PLCB1: variants seen among roughly 807,000 people sequenced by gnomAD.
The protein encoded by PLCB1 is phospholipase C beta 1, also known as 1-phosphatidylinositol 4,5-bisphosphate phosphodiesterase beta-1.
PLCB1 carries 46 observed loss-of-function variants against 161.8 expected under a neutral mutation model. That is an observed-to-expected ratio of 0.28 (90% CI 0.22 to 0.36). The LOEUF (loss-of-function observed/expected upper bound fraction) is 0.36, where lower values mean the gene tolerates loss of function less well. PLCB1 is among the 10% of genes least tolerant of loss of function. The pLI is 1.00. For missense variants in PLCB1, 1,016 were observed against 1,472.5 expected, an observed-to-expected ratio of 0.69 and a Z score of 5.07; for synonymous variants, 517 against 503.7, an observed-to-expected ratio of 1.03 and a Z score of -0.35.
At chr20:8,523,496 C>CTCTCTCTCTCTCTCTA in intron 3 of PLCB1, among the ~76,000 whole-genome samples, 35 of 51,652 alleles carry the variant, frequency 6.8e-4, no homozygotes, top group South Asian at 2.6e-3. Context: ...CTCTCTCTCT[C>CTCTCTCTCTCTCTCTA]TATATATATA....
At chr20:8,515,733 A>AC in intron 3 of PLCB1, among the ~76,000 whole-genome samples, 1 of 152,150 alleles carries the variant, frequency 6.6e-6, no homozygotes, top group East Asian at 1.9e-4. Context: ...CATAACAAAC[A>AC]CCCCAAAGCA....
chr20:8,719,466 C>T (rs1425777985), intron 14 of PLCB1, among the ~76,000 whole-genome samples: 1 of 152,090 alleles, frequency 6.6e-6, no homozygotes, highest in East Asian at 1.9e-4. Flanking sequence ...AATATGCAGC[C>T]ATGAGAATAA....
chr20:8,833,264 G>A (rs1293501525), intron 31 of PLCB1, among the ~76,000 whole-genome samples: 2 of 152,216 alleles, frequency 1.3e-5, no homozygotes, highest in Admixed American at 6.5e-5. Flanking sequence ...GGAAGGCAAA[G>A]GAAGAGCAAA....
rs149864976 is a variant in PLCB1 at position 8,559,659 on chromosome 20, T to C, written c.247-68635T>C. Among the ~76,000 whole-genome samples, 187 of 152,096 alleles carry C rather than the reference T, an allele frequency of 1.2e-3. 6 individuals carry two copies. The East Asian group carries it at 0.035, about 28-fold the overall frequency. On this transcript the variant is annotated intron_variant, in intron 3 of 31. Transcript: ENST00000338037. ...TTCAAATTCTAAAAGAGAACTAGAA[T>C]AGCTATACTAATATCAGTCAAAATA...
At chr20:8,844,862 A>G (rs6140760) in intron 31 of PLCB1, among the ~76,000 whole-genome samples, 50,008 of 151,920 alleles carry the variant, frequency 0.33, 9,047 homozygotes, top group East Asian at 0.63. Context: ...TGTAATCCCA[A>G]CACTTTGGGA....
intron 2 of PLCB1, among the ~76,000 whole-genome samples, chr20:8,267,055 A>G (rs1981999472): frequency 6.6e-6 from 1 of 151,918 alleles, no homozygotes; most frequent in Admixed American, 6.6e-5. Context: ...AAAAAGGGAA[A>G]AAAAAAGAAT....
intron 3 of PLCB1, among the ~76,000 whole-genome samples, chr20:8,465,706 A>G (rs1444501328): frequency 6.6e-6 from 1 of 152,072 alleles, no homozygotes; most frequent in Non-Finnish European, 1.5e-5. Context: ...TTATGCAGCC[A>G]AAAAACACAT....
chr20:8,264,909 A>G (rs1012910920), intron 2 of PLCB1, among the ~76,000 whole-genome samples: 59 of 152,340 alleles, frequency 3.9e-4, no homozygotes, highest in African/African-American at 1.1e-3. Context: ...AAATGTAGCA[A>G]TCCATGTAAT....
chr20:8,411,548 T>C (rs1352726072), intron 3 of PLCB1, among the ~76,000 whole-genome samples: 1 of 151,846 alleles, frequency 6.6e-6, no homozygotes, highest in Non-Finnish European at 1.5e-5. Flanking sequence ...AATGAAAGAG[T>C]AGACTTTTAT....
At chr20:8,284,978 T>C (rs569264276) in intron 2 of PLCB1, among the ~76,000 whole-genome samples, 1 of 152,162 alleles carries the variant, frequency 6.6e-6, no homozygotes, top group African/African-American at 2.4e-5. Context: ...GACATTTATG[T>C]GCTCGTTTTC....
Position 8,580,391 on chromosome 20 carries a change from A to G in PLCB1, c.247-47903A>G, listed in dbSNP as rs1446494726. 2.0e-5 allele frequency among the ~76,000 whole-genome samples: 3 copies of G among 152,332 alleles called. No homozygotes were observed. In the South Asian group the frequency reaches 6.2e-4, roughly 32 times the overall value. ...TGATACAATGACCACAAAAATCTCA[A>G]AATATTTTTAAAGGAATCCTCAGTC... On this transcript the variant is annotated intron_variant, in intron 3 of 31. Transcript: ENST00000338037.
At chr20:8,225,281 T>G (rs1375934137) in intron 2 of PLCB1, among the ~76,000 whole-genome samples, 4 of 152,218 alleles carry the variant, frequency 2.6e-5, no homozygotes, top group African/African-American at 9.6e-5. Context: ...TTTTGTTTCT[T>G]CTGTTTTGTT....
rs1250695700 is a variant in PLCB1, at chr20:8,881,994, A to C, written c.*145A>C. 1 of 621,386 alleles carries C rather than the reference A, an allele frequency of 1.6e-6. No homozygotes were observed. The highest frequency in any genetic ancestry group is 2.8e-6 in the Non-Finnish European group (1 of 354,160). The allele number at this position is 621,386 out of a possible 1,614,324, so 38.5% of individuals were successfully genotyped here. A position where few individuals can be genotyped will look rare whatever the true frequency, so the allele number is the denominator to read the frequency against. ...ACACCAAAGGGAGAGTTCCAGAGGA[A>C]TCCATGAAGAATTCCCATGCCCAGG... On this transcript the variant is annotated 3_prime_UTR_variant, in exon 32 of 32. Coordinates refer to ENST00000338037, the MANE Select transcript of PLCB1 (RefSeq NM_015192.4).
chr20:8,566,156 C>T (rs1986327315), intron 3 of PLCB1, among the ~76,000 whole-genome samples: 1 of 152,122 alleles, frequency 6.6e-6, no homozygotes, highest in Non-Finnish European at 1.5e-5. Context: ...TGCAATTTTA[C>T]AAAGTATATT....
intron 1 of PLCB1, among the ~76,000 whole-genome samples, chr20:8,136,492 G>A (rs912869291): frequency 7.8e-4 from 119 of 152,174 alleles, no homozygotes; most frequent in African/African-American, 2.4e-3. Context: ...CGGGCGTGGT[G>A]GCGGGCGCCT....
Position 8,235,895 on chromosome 20 carries a change from G to A in PLCB1, c.177+85524G>A, listed in dbSNP as rs373435915. On this transcript the variant is annotated intron_variant, in intron 2 of 31. Transcript: ENST00000338037. ...CTATATTTAAAAAAAATCTTAAGGC[G>A]TGTATAGGATTCTTGTATTAAATTG... is the stretch of plus-strand genomic sequence containing the variant. Among the ~76,000 whole-genome samples, 102 of 152,130 alleles carry A rather than the reference G, an allele frequency of 6.7e-4. 2 individuals are homozygous for A. The South Asian group carries it at 8.9e-3, about 13-fold the overall frequency.
At chr20:8,562,607 C>T (rs1986177275) in intron 3 of PLCB1, among the ~76,000 whole-genome samples, 1 of 152,066 alleles carries the variant, frequency 6.6e-6, no homozygotes, top group Non-Finnish European at 1.5e-5. Context: ...GAATGGTGTG[C>T]AGTCTTTCAG....
At chr20:8,723,546 G>A (rs1476031064) in intron 15 of PLCB1, among the ~76,000 whole-genome samples, 1 of 152,116 alleles carries the variant, frequency 6.6e-6, no homozygotes, top group Non-Finnish European at 1.5e-5. Flanking sequence ...AAAGTAATAT[G>A]TCATAGCTAA....
chr20:8,316,936 T>C (rs1158202325), intron 2 of PLCB1, among the ~76,000 whole-genome samples: 1 of 151,758 alleles, frequency 6.6e-6, no homozygotes, highest in East Asian at 1.9e-4. Flanking sequence ...GTTTGCCTAC[T>C]TTCTGTCTAT....
Sources: gnomAD v4.1 joint callset for allele counts (sites outside exome capture counted in the v4.1 genomes callset) on GRCh38, gnomAD v4.1.1 for gene constraint, MANE v1.5 for transcripts, NCBI Gene and HGNC (gene_info 2026-07-23, HGNC 2026-07-21) for gene names.